CRBN: variants seen among roughly 807,000 people sequenced by gnomAD.
CRBN encodes protein cereblon.
Under a neutral mutation model 62.2 loss-of-function variants are expected in CRBN, and 53 were observed. That is an observed-to-expected ratio of 0.85 (90% CI 0.68 to 1.07). CRBN has a LOEUF of 1.07. Ranked by LOEUF, CRBN falls within the 50% of genes least tolerant of loss-of-function variation. The pLI, the probability that CRBN is intolerant of heterozygous loss-of-function variation, is 0.00. For synonymous variants in CRBN, 208 were observed against 176.1 expected (o/e 1.18, Z -1.43); for missense variants, 616 against 531.1 (o/e 1.16, Z -1.57).
intron 6 of CRBN, 155 bp downstream of exon 6, chr3:3,156,063 CA>C: frequency 1.5e-6 from 1 of 678,898 alleles, no homozygotes. Flanking sequence ...CTTGGCCTCC[CA>C]AAGTGCTGGG....
At chr3:3,166,285 C>T (rs539797665) in intron 5 of CRBN, among the ~76,000 whole-genome samples, 1 of 152,120 alleles carries the variant, frequency 6.6e-6, no homozygotes. Context: ...GGGAGTTTTC[C>T]TGTACAAGTT....
Position 3,153,459 on chromosome 3 carries a change from T to C in CRBN, c.981A>G (p.Gln327=), listed in dbSNP as rs567197193. 6 of 1,579,716 alleles carry C rather than the reference T, an allele frequency of 3.8e-6. No individual in the cohort carries two copies. In the East Asian group the frequency reaches 1.1e-4, roughly 30 times the overall value. Reference sequence around the variant, plus strand: ...CATTTTTGGTTGTTATTTCTGTTTCTTGACATTGTTTACAGCAAAGGGAAG... The same window carrying C: ...CATTTTTGGTTGTTATTTCTGTTTCCTGACATTGTTTACAGCAAAGGGAAG... ...KCTSLCCKQC[Q]ETEITTKNEI... Residue 327 remains glutamine, a synonymous_variant, in exon 9 of 11, where the codon CAA becomes CAG. Coordinates refer to ENST00000231948, the MANE Select transcript of CRBN (RefSeq NM_016302.4).
At chr3:3,167,082 A>G (rs1270991199) in intron 5 of CRBN, among the ~76,000 whole-genome samples, 1 of 151,992 alleles carries the variant, frequency 6.6e-6, no homozygotes, top group African/African-American at 2.4e-5. Context: ...TTTTTTTCCT[A>G]TGACAATTAT....
At chr3:3,163,631 A>G (rs1003079017) in intron 5 of CRBN, among the ~76,000 whole-genome samples, 2 of 152,194 alleles carry the variant, frequency 1.3e-5, no homozygotes, top group Non-Finnish European at 2.9e-5. Flanking sequence ...AACTAGCTGT[A>G]CAGAGCACTT....
rs1706663034 is a variant in CRBN, at chr3:3,152,689, C to G, written c.1017-102G>C. 5.8e-6 allele frequency: 8 copies of G among 1,390,674 alleles called. No homozygotes were observed. The South Asian group carries it at 8.5e-5, about 15-fold the overall frequency. 86.1% of individuals were successfully genotyped at this position (1,390,674 alleles called of 1,614,324 possible). The stretch of plus-strand genomic sequence containing the variant: ...AGTTCACCAAGAAATGAGGTATGAG[C>G]TATACAGTTTTTAATCCTTCAGTTT... On this transcript the variant is annotated intron_variant, in intron 9 of 10. Coordinates refer to ENST00000231948, the MANE Select transcript of CRBN (RefSeq NM_016302.4).
At chr3:3,165,845 T>G (rs1559251164) in intron 5 of CRBN, among the ~76,000 whole-genome samples, 1 of 152,172 alleles carries the variant, frequency 6.6e-6, no homozygotes, top group Non-Finnish European at 1.5e-5. Flanking sequence ...AGGGAACAAC[T>G]TGATGCAGTT....
At chr3:3,168,476 T>A (rs1315359552) in intron 4 of CRBN, among the ~76,000 whole-genome samples, 1 of 152,188 alleles carries the variant, frequency 6.6e-6, no homozygotes, top group Non-Finnish European at 1.5e-5. Flanking sequence ...CATGAACTAG[T>A]GCAAACAGGA....
chr3:3,167,290 CCCTTCTTTAAGATAATGGATGTTTATAA>C (rs1707387531), intron 5 of CRBN: 1 of 207,814 alleles, frequency 4.8e-6, no homozygotes, highest in African/African-American at 2.4e-5. Context: ...AAAGAATCCT[CCCTTCTTTAAGATAATGGATGTTTATAA>C]CTCAAGAGCC....
chr3:3,172,531 G>A, intron 4 of CRBN: 1 of 533,118 alleles, frequency 1.9e-6, no homozygotes, highest in Non-Finnish European at 3.3e-6. Flanking sequence ...AAAAGATGCT[G>A]CAGCCTCATC....
intron 5 of CRBN, among the ~76,000 whole-genome samples, chr3:3,158,258 A>G (rs1331128628): frequency 1.3e-5 from 2 of 152,202 alleles, no homozygotes; most frequent in African/African-American, 2.4e-5. Context: ...ATAAGAATCT[A>G]TGCTGCCACT....
chr3:3,167,801 A>T lies in CRBN; in HGVS notation c.528-8T>A. ...ACTTTAGCTTGCTGGATTCTAAAAT[A>T]AAGAGAACCAAGCATGGTATTCATT... On this transcript the variant is annotated splice_polypyrimidine_tract_variant and splice_region_variant and intron_variant, in intron 4 of 10. Coordinates refer to ENST00000231948, the MANE Select transcript of CRBN (RefSeq NM_016302.4). 2 of 1,612,982 alleles carry T rather than the reference A, an allele frequency of 1.2e-6. No homozygotes were observed. The highest frequency in any genetic ancestry group is 1.7e-6 in the Non-Finnish European group (2 of 1,179,076).
intron 5 of CRBN, among the ~76,000 whole-genome samples, chr3:3,165,814 G>A (rs777157277): frequency 1.6e-4 from 25 of 152,132 alleles, no homozygotes; most frequent in Admixed American, 9.8e-4. Flanking sequence ...ACATCACTAC[G>A]TGAATATTCA....
intron 6 of CRBN, chr3:3,155,053 C>T: frequency 3.5e-6 from 2 of 569,364 alleles, no homozygotes; most frequent in East Asian, 3.0e-5. Context: ...ACTGTCTTAA[C>T]CCAGCGGTAT....
intron 7 of CRBN, 178 bp from the exon 8 acceptor site, chr3:3,154,253 A>T: frequency 3.4e-6 from 2 of 592,228 alleles, no homozygotes; most frequent in South Asian, 4.0e-5. Context: ...AGAAGCTCTA[A>T]ATTTAATTGC....
intron 4 of CRBN, among the ~76,000 whole-genome samples, chr3:3,169,788 A>C (rs711595): frequency 6.6e-6 from 1 of 151,922 alleles, no homozygotes; most frequent in Non-Finnish European, 1.5e-5. Flanking sequence ...TAGACAGGTA[A>C]GAGATCTTCT....
At chr3:3,163,751 A>C (rs1707225164) in intron 5 of CRBN, among the ~76,000 whole-genome samples, 1 of 152,202 alleles carries the variant, frequency 6.6e-6, no homozygotes, top group Non-Finnish European at 1.5e-5. Context: ...TTGGTGCGGA[A>C]GAACTATTCT....
chr3:3,178,093 G>C (rs578085698), intron 1 of CRBN, among the ~76,000 whole-genome samples: 1 of 152,096 alleles, frequency 6.6e-6, no homozygotes, highest in Non-Finnish European at 1.5e-5. Context: ...CTCATGCAGA[G>C]GCACGATGTG....
At chr3:3,174,890 A>G (rs1707768310) in intron 2 of CRBN, among the ~76,000 whole-genome samples, 1 of 152,218 alleles carries the variant, frequency 6.6e-6, no homozygotes, top group African/African-American at 2.4e-5. Flanking sequence ...ATGTTCAATA[A>G]CACTCTAGTA....
At chr3:3,169,711 A>G (rs1343573624) in intron 4 of CRBN, among the ~76,000 whole-genome samples, 3 of 152,230 alleles carry the variant, frequency 2.0e-5, no homozygotes, top group Non-Finnish European at 2.9e-5. Flanking sequence ...TTTAAGCTAT[A>G]TATGTGTAAC....
Sources: allele counts gnomAD v4.1 joint callset (sites outside exome capture counted in the v4.1 genomes callset), GRCh38; gene constraint gnomAD v4.1.1; transcripts MANE v1.5; gene names NCBI Gene and HGNC (gene_info 2026-07-23, HGNC 2026-07-21).